The following SEM1 variants were observed in gnomAD, a reference collection of about 807,000 sequenced individuals.
SEM1 encodes SEM1 26S proteasome subunit, also known as 26S proteasome complex subunit SEM1.
A neutral mutation model predicts 12.7 loss-of-function variants in SEM1; 3 were observed. The ratio of observed to expected loss-of-function variants is 0.24; its 90% CI spans 0.11 to 0.61. The LOEUF (loss-of-function observed/expected upper bound fraction) is 0.61. Among genes scored for constraint, SEM1 ranks in the 20% least tolerant of loss-of-function variants. The pLI is 0.88. For missense variants in SEM1, 59 were observed against 81.3 expected (o/e 0.73, Z 1.06); for synonymous variants, 30 against 27.8 (o/e 1.08, Z -0.25).
chr7:96,580,227 T>C (rs1402124485), intron 2 of SEM1, among the ~76,000 whole-genome samples: 1 of 148,686 alleles, frequency 6.7e-6, no homozygotes, highest in Non-Finnish European at 1.5e-5. Context: ...GTGTTTGGTT[T>C]TTTGTTCTTG....
intron 2 of SEM1, chr7:96,656,591 A>G (rs572070306): frequency 1.1e-5 from 1 of 90,802 alleles, no homozygotes; most frequent in South Asian, 3.7e-4. Context: ...AGGACCTAGT[A>G]AAAAAAAAAA....
intron 2 of SEM1, among the ~76,000 whole-genome samples, chr7:96,548,247 T>C (rs1205024574): frequency 6.6e-6 from 1 of 152,154 alleles, no homozygotes; most frequent in African/African-American, 2.4e-5. Flanking sequence ...TCTTCTGACA[T>C]CCAGAATTCT....
intron 2 of SEM1, among the ~76,000 whole-genome samples, chr7:96,660,487 CATA>C (rs1788963480): frequency 6.6e-6 from 1 of 152,094 alleles, no homozygotes; most frequent in East Asian, 1.9e-4. Flanking sequence ...CCACTCTGAA[CATA>C]ATAACTTAAT....
intron 2 of SEM1, among the ~76,000 whole-genome samples, chr7:96,636,030 CTTGT>C (rs1481447238): frequency 6.6e-6 from 1 of 152,012 alleles, no homozygotes; most frequent in East Asian, 1.9e-4. Flanking sequence ...ATAATATACT[CTTGT>C]TTAATTAAAA....
intron 2 of SEM1, among the ~76,000 whole-genome samples, chr7:96,556,087 T>G (rs1363303238): frequency 1.3e-5 from 2 of 152,102 alleles, no homozygotes; most frequent in Admixed American, 6.6e-5. Flanking sequence ...TGGGTGTCGC[T>G]GCACGTGAGA....
At chr7:96,616,545 T>C (rs529293998) in intron 2 of SEM1, among the ~76,000 whole-genome samples, 1 of 152,332 alleles carries the variant, frequency 6.6e-6, no homozygotes, top group African/African-American at 2.4e-5. Flanking sequence ...AGAAGCTTTT[T>C]AGTTTAGTTA....
chr7:96,523,906 TCAC>T (rs1420856653), intron 2 of SEM1, among the ~76,000 whole-genome samples: 1 of 152,168 alleles, frequency 6.6e-6, no homozygotes, highest in Non-Finnish European at 1.5e-5. Flanking sequence ...CTTTCATTTC[TCAC>T]TTACGTTTAA....
intron 2 of SEM1, among the ~76,000 whole-genome samples, chr7:96,513,801 C>A (rs1032921603): frequency 6.6e-6 from 1 of 151,950 alleles, no homozygotes; most frequent in Admixed American, 6.6e-5. Flanking sequence ...TGAACTCCAG[C>A]CTGGGCAGCA....
chr7:96,589,818 T>C (rs1211474940), intron 2 of SEM1, among the ~76,000 whole-genome samples: 1 of 152,216 alleles, frequency 6.6e-6, no homozygotes, highest in African/African-American at 2.4e-5. Flanking sequence ...CTAATTTTAA[T>C]TAGACTACTA....
At chr7:96,621,396 C>A (rs1807887700), downstream of SEM1, among the ~76,000 whole-genome samples, 1 of 152,118 alleles carries the variant, frequency 6.6e-6, no homozygotes, top group South Asian at 2.1e-4. Context: ...TTTGTTCAAT[C>A]TTTCCTCAAT....
intron 3 of SEM1, among the ~76,000 whole-genome samples, chr7:96,504,902 G>A (rs1450197230): frequency 1.3e-5 from 2 of 151,546 alleles, no homozygotes; most frequent in Non-Finnish European, 2.9e-5. Context: ...TTTTCCTATA[G>A]AATCTCCTTG....
chr7:96,493,246 G>A (rs944354956), intron 1 of SEM1, among the ~76,000 whole-genome samples: 12 of 152,098 alleles, frequency 7.9e-5, no homozygotes, highest in African/African-American at 2.4e-4. Flanking sequence ...GAGCCACCAC[G>A]CCTGGCCTAG....
At chr7:96,688,694 A>G (rs1326655199), downstream of SEM1, 3 of 407,642 alleles carry the variant, frequency 7.4e-6, no homozygotes, top group Admixed American at 1.3e-4. Flanking sequence ...TCTATATATA[A>G]TAAGGTTTTG....
downstream of SEM1, among the ~76,000 whole-genome samples, chr7:96,621,457 G>A (rs986644449): frequency 6.6e-6 from 1 of 152,142 alleles, no homozygotes; most frequent in Admixed American, 6.5e-5. Context: ...GTAGCCTGGG[G>A]TTTGGGGAAT....
intron 2 of SEM1, among the ~76,000 whole-genome samples, chr7:96,607,349 G>A (rs945014151): frequency 3.4e-4 from 51 of 152,058 alleles, no homozygotes; most frequent in African/African-American, 1.1e-3. Context: ...TAAACCCACA[G>A]GATTTATCTC....
At chr7:96,493,682 G>A (rs979170068) in intron 1 of SEM1, among the ~76,000 whole-genome samples, 3 of 152,056 alleles carry the variant, frequency 2.0e-5, no homozygotes. Context: ...AGAATCTACA[G>A]TGGCATTAAG....
intron 2 of SEM1, among the ~76,000 whole-genome samples, chr7:96,527,985 T>C (rs1804521597): frequency 6.6e-6 from 1 of 152,282 alleles, no homozygotes; most frequent in East Asian, 1.9e-4. Flanking sequence ...TGGTTCATGA[T>C]ATCAGCTCCT....
intron 2 of SEM1, among the ~76,000 whole-genome samples, chr7:96,525,440 A>G (rs1299947037): frequency 6.6e-6 from 1 of 152,050 alleles, no homozygotes; most frequent in Non-Finnish European, 1.5e-5. Flanking sequence ...TTCTGTATAG[A>G]GTGGAGGCCG....
At chr7:96,623,545 AATGT>A (rs1807961706) in intron 2 of SEM1, among the ~76,000 whole-genome samples, 3 of 147,970 alleles carry the variant, frequency 2.0e-5, no homozygotes, top group Non-Finnish European at 4.5e-5. Context: ...TGTTTATATA[AATGT>A]ATTATTTTAT....
Sources: gnomAD v4.1 joint callset for allele counts (sites outside exome capture counted in the v4.1 genomes callset) on GRCh38, gnomAD v4.1.1 for gene constraint, MANE v1.5 for transcripts, NCBI Gene and HGNC (gene_info 2026-07-23, HGNC 2026-07-21) for gene names.